Variants in DYRK1B observed in about 807,000 individuals in gnomAD.
DYRK1B encodes dual specificity tyrosine-phosphorylation-regulated kinase 1B.
In DYRK1B, 20 loss-of-function variants were observed where a neutral mutation model predicts 57.1. The ratio of observed to expected loss-of-function variants is 0.35; its 90% CI spans 0.25 to 0.51. The LOEUF is 0.51. Ranked by LOEUF, DYRK1B falls within the 20% of genes least tolerant of loss-of-function variation. The probability of loss-of-function intolerance (pLI) is 0.96; values close to 1 mark genes in which losing one functional copy is unlikely to be tolerated. For missense variants in DYRK1B, 732 were observed against 886.3 expected, an observed-to-expected ratio of 0.83 and a Z score of 2.21; for synonymous variants, 409 against 384.7, an observed-to-expected ratio of 1.06 and a Z score of -0.74.
In DYRK1B at chr19:39,826,306, G is replaced by T. The variant is rs1371558982; in HGVS notation, c.1412-20C>A. 9 of 1,545,226 alleles carry T rather than the reference G, an allele frequency of 5.8e-6. No homozygotes were observed. The highest frequency in any genetic ancestry group is 7.8e-6 in the Non-Finnish European group (9 of 1,148,670). ...AGCCTCCTGGAAGTGCCAGGGAGGAGAGGTGAAGGGGCATAAGGTGAGAGA... is the reference window on the plus strand; with the variant it reads ...AGCCTCCTGGAAGTGCCAGGGAGGATAGGTGAAGGGGCATAAGGTGAGAGA... On this transcript the variant is annotated intron_variant, in intron 9 of 10. Coordinates refer to ENST00000323039, the MANE Select transcript of DYRK1B (RefSeq NM_004714.3). The surrounding 1 kb of genome is among the most constrained non-coding windows in gnomAD (Gnocchi z 6.3).
In DYRK1B at chr19:39,828,280, AC is replaced by A. The variant is rs1180475761; in HGVS notation, c.807+16del. ...CCAAACTACTAGCCGTGCTCCCAGG[AC>A]CGGGCCGCCCCCTACCCTCTGGCCA... On this transcript the variant is annotated intron_variant, in intron 6 of 10. Transcript: ENST00000323039. The surrounding 1 kb of genome is among the most constrained non-coding windows in gnomAD (Gnocchi z 4.3). The A allele has an allele frequency of 1.2e-6, 2 of 1,612,546 alleles. No homozygotes were observed. The highest frequency in any genetic ancestry group is 1.7e-5 in the Admixed American group (1 of 59,968).
At position 39,825,741 on chromosome 19, in the gene DYRK1B, G is replaced by A. The variant is rs749121820; in HGVS notation, c.1864C>T (p.Pro622Ser). 1.3e-6 allele frequency: 2 copies of A among 1,556,982 alleles called. No individual in the cohort carries two copies. Among genetic ancestry groups the A allele is most frequent in the Admixed American group, 3.9e-5 (2 of 51,436 alleles). ...CACGAGCTGGCTGCTGTGCTCTGGG[G>A]TACACCACGGAGGCCCAGGTGAGGC... ...LGPHLGLRGV[P>S]QSTAASS The change falls in exon 11 of 11, where the codon CCC (proline) becomes TCC (serine). Residue 622 changes from proline (P) to serine (S), a missense_variant. Pro to Ser is a moderately conservative substitution (Grantham distance 74). Transcript: ENST00000323039.
Position 39,827,289 on chromosome 19 carries a change from C to T in DYRK1B, c.1091G>A (p.Arg364Lys). The change falls in exon 8 of 11, where the codon AGG becomes AAG. Residue 364 changes from arginine to lysine, a missense_variant. Arg to Lys is a conservative substitution (Grantham distance 26, BLOSUM62 2). Coordinates refer to ENST00000323039, the MANE Select transcript of DYRK1B (RefSeq NM_004714.3). ...GWTLRRTKELRKDYQGPGTRR... is the reference protein window; with the variant it reads ...GWTLRRTKELKKDYQGPGTRR... ...GGCATGGGGCAGGGGCCGCACCTTC[C>T]TGAGTTCTTTCGTCCTTCGTAGGGT... is the stretch of plus-strand genomic sequence containing the variant. The T allele has an allele frequency of 1.2e-6, 2 of 1,610,530 alleles. No homozygotes were observed. Among genetic ancestry groups the T allele is most frequent in the Non-Finnish European group, 1.7e-6 (2 of 1,177,486 alleles).
Position 39,826,068 on chromosome 19 carries a change from G to A in DYRK1B, c.1537C>T (p.Leu513=). The A allele has an allele frequency of 6.6e-6, 10 of 1,520,878 alleles. No homozygotes were observed. Among genetic ancestry groups the A allele is most frequent in the Non-Finnish European group, 8.8e-6 (10 of 1,137,490 alleles). The allele number at this position is 1,520,878 out of a possible 1,614,324, so 94.2% of individuals were successfully genotyped here. Residue 513 remains leucine, a synonymous_variant, in exon 11 of 11, where the codon CTG becomes TTG. Transcript: ENST00000323039. This position sits in a 1 kb window ranked among gnomAD's most constrained non-coding sequence, Gnocchi z 6.3. ...ACATCACCCCCTGCCCAGGGCCGCAGCGGCTGGGAGGGTGGGACCTAAAAA... is the reference window on the plus strand; with the variant it reads ...ACATCACCCCCTGCCCAGGGCCGCAACGGCTGGGAGGGTGGGACCTAAAAA... ...NSPQVPPSQP[L]RPWAGGDVPH...
chr19:39,826,644 T>C lies in DYRK1B; in HGVS notation c.1411+28A>G, dbSNP rs983685273. On this transcript the variant is annotated intron_variant, in intron 9 of 10. Coordinates refer to ENST00000323039, the MANE Select transcript of DYRK1B (RefSeq NM_004714.3). The surrounding 1 kb of genome is among the most constrained non-coding windows in gnomAD (Gnocchi z 6.3). Reference sequence around the variant, plus strand: ...AAACCTGAGCAGCCCCCACCCGTTGTACCCCATTTGGGCACCTGGGCACCC... The same window carrying C: ...AAACCTGAGCAGCCCCCACCCGTTGCACCCCATTTGGGCACCTGGGCACCC... The C allele has an allele frequency of 6.4e-7, 1 of 1,563,936 alleles. No homozygotes were observed. The highest frequency in any genetic ancestry group is 8.6e-7 in the Non-Finnish European group (1 of 1,157,638).
At position 39,827,330 on chromosome 19, in the gene DYRK1B, C is replaced by A. The variant is rs758422050; in HGVS notation, c.1050G>T (p.Leu350=). 1.2e-6 allele frequency: 2 copies of A among 1,613,626 alleles called. No homozygotes were observed. The highest frequency in any genetic ancestry group is 2.7e-5 in the African/African-American group (2 of 74,892). Reference sequence around the variant, plus strand: ...TTCGTAGGGTCCAGCCACCCCCAGGCAGCCGTTCAAAGTACTTGCGAGCCT... The same window carrying A: ...TTCGTAGGGTCCAGCCACCCCCAGGAAGCCGTTCAAAGTACTTGCGAGCCT... ...APKARKYFER[L]PGGGWTLRRT... Residue 350 remains leucine (L), a synonymous_variant, in exon 8 of 11, where the codon CTG becomes CTT. Coordinates refer to ENST00000323039, the MANE Select transcript of DYRK1B (RefSeq NM_004714.3).
In DYRK1B at chr19:39,827,428, G is replaced by A. The variant is rs377232175; in HGVS notation, c.955-3C>T. ...ACAATGCGGTTCATCTGGTCGACCTGTGAGCAGGCAGGGGTCAAGGTCATC... is the reference window on the plus strand; with the variant it reads ...ACAATGCGGTTCATCTGGTCGACCTATGAGCAGGCAGGGGTCAAGGTCATC... On this transcript the variant is annotated splice_polypyrimidine_tract_variant and splice_region_variant and intron_variant, in intron 7 of 10. Transcript: ENST00000323039. The A allele has an allele frequency of 2.5e-6, 4 of 1,611,388 alleles. No homozygotes were observed. In the African/African-American group the frequency reaches 5.3e-5, roughly 22 times the overall value.
In DYRK1B at chr19:39,830,653, C is replaced by G. The variant is rs778722982; in HGVS notation, c.183+11G>C. 1 of 1,613,200 alleles carries G rather than the reference C, an allele frequency of 6.2e-7. No individual in the cohort carries two copies. Among genetic ancestry groups the G allele is most frequent in the Non-Finnish European group, 8.5e-7 (1 of 1,179,406 alleles). On this transcript the variant is annotated intron_variant, in intron 3 of 10. Coordinates refer to ENST00000323039, the MANE Select transcript of DYRK1B (RefSeq NM_004714.3). ...CGGCACCCAGCCCAGGATCCCCCAG[C>G]CCCTGCCCACCTCATTGATGTGCTT...
At position 39,827,357 on chromosome 19, in the gene DYRK1B, G is replaced by A; in HGVS notation, c.1023C>T (p.Pro341=). ...GCCGTTCAAAGTACTTGCGAGCCTTGGGCGCCTGGTCCAGCATGGCGGCCG... is the reference window on the plus strand; with the variant it reads ...GCCGTTCAAAGTACTTGCGAGCCTTAGGCGCCTGGTCCAGCATGGCGGCCG... ...IPPAAMLDQA[P]KARKYFERLP... is the part of the protein sequence containing the mutation. Residue 341 remains proline, a synonymous_variant, in exon 8 of 11, where the codon CCC becomes CCT. Coordinates refer to ENST00000323039, the MANE Select transcript of DYRK1B (RefSeq NM_004714.3). The A allele has an allele frequency of 6.2e-7, 1 of 1,613,804 alleles. No individual in the cohort carries two copies. The highest frequency in any genetic ancestry group is 1.1e-5 in the South Asian group (1 of 91,082).
chr19:39,829,427 C>T (rs960388501), intron 5 of DYRK1B, among the ~76,000 whole-genome samples: 4 of 152,122 alleles, frequency 2.6e-5, no homozygotes, highest in African/African-American at 9.7e-5. Context: ...CGGGGTTTCA[C>T]CATGTTGGCC....
In DYRK1B at chr19:39,826,968, G is replaced by A; in HGVS notation, c.1115C>T (p.Thr372Ile). ...GCCCAGCACCTCCTGCAGCCGCCGT[G>A]TCCCGGGGCCCTGGTAATCCTGGCA... ...ELRKDYQGPG[T>I]RRLQEVLGVQ... The change falls in exon 9 of 11, where the codon ACA (threonine) becomes ATA (isoleucine). Residue 372 changes from threonine (T) to isoleucine (I), a missense_variant. Physicochemically the swap from Thr to Ile is moderately conservative, Grantham distance 89 (BLOSUM62 -1). Coordinates refer to ENST00000323039, the MANE Select transcript of DYRK1B (RefSeq NM_004714.3). The surrounding 1 kb of genome is among the most constrained non-coding windows in gnomAD (Gnocchi z 6.3). 6.9e-7 allele frequency: 1 copy of A among 1,446,602 alleles called. No individual in the cohort carries two copies. Among genetic ancestry groups the A allele is most frequent in the South Asian group, 1.4e-5 (1 of 72,854 alleles). The allele number at this position is 1,446,602 out of a possible 1,614,324, so 89.6% of individuals were successfully genotyped here.
At chr19:39,833,273 C>G (rs1016238031) in intron 1 of DYRK1B, 2 of 985,518 alleles carry the variant, frequency 2.0e-6, no homozygotes, top group Non-Finnish European at 2.4e-6. Context: ...CTACCCGGGT[C>G]AGGGCTGGCG....
At position 39,828,157 on chromosome 19, in the gene DYRK1B, C is replaced by A; in HGVS notation, c.807+140G>T. On this transcript the variant is annotated intron_variant, in intron 6 of 10. Coordinates refer to ENST00000323039, the MANE Select transcript of DYRK1B (RefSeq NM_004714.3). The surrounding 1 kb of genome is among the most constrained non-coding windows in gnomAD (Gnocchi z 4.3). ...CCCATCCTAGTGGGCAGTATATTCA[C>A]ACCCCCACCCCAAGCATTATCCCTC... The A allele has an allele frequency of 1.0e-6, 1 of 984,246 alleles. No individual in the cohort carries two copies. Among genetic ancestry groups the A allele is most frequent in the Non-Finnish European group, 1.5e-6 (1 of 681,598 alleles). 61.0% of individuals were successfully genotyped at this position (984,246 alleles called of 1,614,324 possible).
At position 39,825,437 on chromosome 19, in the gene DYRK1B, G is replaced by T; in HGVS notation, c.*278C>A. ...CCCCACCCCCTCCTAGGGTCCTGGG[G>T]TGAGGGGGGGTCTTCCCTCCACCGG... On this transcript the variant is annotated 3_prime_UTR_variant, in exon 11 of 11. Coordinates refer to ENST00000323039, the MANE Select transcript of DYRK1B (RefSeq NM_004714.3). 2.1e-6 allele frequency: 1 copy of T among 468,720 alleles called. No homozygotes were observed. The highest frequency in any genetic ancestry group is 3.8e-6 in the Non-Finnish European group (1 of 261,684). 29.0% of individuals were successfully genotyped at this position (468,720 alleles called of 1,614,324 possible). A position where few individuals can be genotyped will look rare whatever the true frequency, so the allele number is the denominator to read the frequency against.
intron 5 of DYRK1B, 80 bp downstream of exon 5, chr19:39,829,800 G>C (rs182936228): frequency 4.6e-6 from 7 of 1,523,206 alleles, no homozygotes; most frequent in Non-Finnish European, 6.2e-6. Context: ...CTGAGAGTAG[G>C]GCGGGGGTGT....
chr19:39,832,360 T>A (rs900960395), intron 1 of DYRK1B, among the ~76,000 whole-genome samples: 11 of 152,074 alleles, frequency 7.2e-5, no homozygotes, highest in African/African-American at 2.7e-4. Flanking sequence ...CTTTTCTCAC[T>A]ACTCGTGGCC....
At chr19:39,827,212 G>A (rs557500900) in intron 8 of DYRK1B, 73 bp downstream of exon 8, 4 of 1,513,522 alleles carry the variant, frequency 2.6e-6, no homozygotes, top group African/African-American at 1.4e-5. Context: ...GGGAGAGGGA[G>A]CAGGGGGAGA....
intron 8 of DYRK1B, 63 bp from the exon 9 acceptor site, chr19:39,827,050 G>A: frequency 3.0e-6 from 4 of 1,314,306 alleles, no homozygotes; most frequent in Non-Finnish European, 4.0e-6. Context: ...GAGGGGCAGG[G>A]AGACACACAC....
intron 5 of DYRK1B, among the ~76,000 whole-genome samples, chr19:39,829,543 T>C (rs1396659280): frequency 6.6e-6 from 1 of 152,204 alleles, no homozygotes; most frequent in Non-Finnish European, 1.5e-5. Flanking sequence ...GTTTGTTTTA[T>C]TGAAGAAGAA....
Sources: gnomAD v4.1 joint callset for allele counts (sites outside exome capture counted in the v4.1 genomes callset) on GRCh38, gnomAD v4.1.1 for gene constraint, Gnocchi (gnomAD v3.1) non-coding constraint, MANE v1.5 for transcripts, NCBI Gene and HGNC (gene_info 2026-07-23, HGNC 2026-07-21) for gene names.